The following LCOR variants were observed in gnomAD, a reference collection of about 807,000 sequenced individuals.
LCOR encodes ligand dependent nuclear receptor corepressor.
LCOR carries 14 observed loss-of-function variants against 64.4 expected under a neutral mutation model. The ratio of observed to expected loss-of-function variants is 0.22; its 90% CI spans 0.14 to 0.34. The LOEUF is 0.34. Ranked by LOEUF, LCOR falls within the 10% of genes least tolerant of loss-of-function variation. The pLI, the probability that LCOR is intolerant of heterozygous loss-of-function variation, is 1.00. For missense variants in LCOR, 1,686 were observed against 1,765.3 expected (o/e 0.96, Z 0.80); for synonymous variants, 643 against 642.5 (o/e 1.00, Z -0.01).
chr10:96,957,694 C>T (rs1370354689), intron 7 of LCOR: 5 of 985,284 alleles, frequency 5.1e-6, no homozygotes, highest in Non-Finnish European at 6.0e-6. Flanking sequence ...AACTTTGGAG[C>T]AATTAATTAA....
At chr10:96,947,716 T>A (rs1270425274) in intron 5 of LCOR, among the ~76,000 whole-genome samples, 1 of 152,012 alleles carries the variant, frequency 6.6e-6, no homozygotes, top group African/African-American at 2.4e-5. Flanking sequence ...AGTGGCCACT[T>A]ACTCTTTTGA....
intron 2 of LCOR, among the ~76,000 whole-genome samples, chr10:96,884,588 AAAGCTTGTTAAAACT>A (rs376438762): frequency 7.2e-5 from 11 of 152,358 alleles, no homozygotes; most frequent in African/African-American, 2.4e-4. Context: ...AATCACCTGG[AAAGCTTGTTAAAACT>A]AAGATTCTTG....
At chr10:96,976,502 A>G (rs1301382739) in intron 7 of LCOR, among the ~76,000 whole-genome samples, 1 of 152,230 alleles carries the variant, frequency 6.6e-6, no homozygotes, top group Middle Eastern at 3.4e-3. Context: ...TGGCTGTCTA[A>G]TGGGGACTAG....
At chr10:96,961,673 C>T (rs1589685301) in intron 7 of LCOR, 1 of 149,070 alleles carries the variant, frequency 6.7e-6, no homozygotes, top group South Asian at 2.1e-4. Context: ...AGATTAGATT[C>T]TCAGTGGATA....
intron 4 of LCOR, among the ~76,000 whole-genome samples, chr10:96,939,979 G>C (rs1221365389): frequency 2.6e-5 from 4 of 152,126 alleles, no homozygotes; most frequent in Non-Finnish European, 5.9e-5. Flanking sequence ...AAAAGATCAA[G>C]GATCTGAATG....
chr10:96,849,858 CTTTTTTTTTTT>C (rs964263701), intron 2 of LCOR, among the ~76,000 whole-genome samples: 1 of 115,692 alleles, frequency 8.6e-6, no homozygotes. Flanking sequence ...GTGTCACTCA[CTTTTTTTTTTT>C]TTTTTTTTTT....
At chr10:96,944,059 G>T in intron 4 of LCOR, 54 bp from the exon 5 acceptor site, 1 of 980,548 alleles carries the variant, frequency 1.0e-6, no homozygotes, top group Middle Eastern at 5.3e-4. Flanking sequence ...CTATGCTTTT[G>T]TTATTGAATG....
chr10:96,976,353 T>C (rs765340943), intron 7 of LCOR, among the ~76,000 whole-genome samples: 1 of 152,222 alleles, frequency 6.6e-6, no homozygotes, highest in Non-Finnish European at 1.5e-5. Flanking sequence ...TGTTTTTTAG[T>C]ATCCACATGC....
At chr10:96,835,855 T>C (rs1589593448) in intron 2 of LCOR, among the ~76,000 whole-genome samples, 1 of 152,340 alleles carries the variant, frequency 6.6e-6, no homozygotes, top group East Asian at 1.9e-4. Flanking sequence ...GAGTTAGTCC[T>C]GGGTTCAGAC....
At chr10:96,944,047 G>A (rs926049514) in intron 4 of LCOR, 66 bp from the exon 5 acceptor site, 24 of 958,088 alleles carry the variant, frequency 2.5e-5, no homozygotes, top group Middle Eastern at 5.4e-4. Flanking sequence ...CTTTGATTTC[G>A]TCTATGCTTT....
chr10:96,955,251 G>A, intron 7 of LCOR: 1 of 1,614,072 alleles, frequency 6.2e-7, no homozygotes, highest in Non-Finnish European at 8.5e-7. Flanking sequence ...GAAGTTCAGG[G>A]GAAATGGTGC....
chr10:96,957,185 A>G lies in LCOR; in HGVS notation c.332+4989A>G, dbSNP rs141244007. 1,227 of 983,940 alleles carry G rather than the reference A, an allele frequency of 1.2e-3. 21 individuals are homozygous for G. In the African/African-American group the frequency reaches 0.02, roughly 16 times the overall value. The allele number at this position is 983,940 out of a possible 1,614,324, so 61.0% of individuals were successfully genotyped here. ...TGTTGGGTTTTTTTTTTAAGTTTTT[A>G]TTTAATTTTGTTGGTTAGAATTTTT... On this transcript the variant is annotated intron_variant, in intron 7 of 7. Transcript: ENST00000421806.
chr10:96,859,537 A>G (rs1347957163), intron 2 of LCOR, among the ~76,000 whole-genome samples: 2 of 151,934 alleles, frequency 1.3e-5, no homozygotes, highest in Non-Finnish European at 1.5e-5. Flanking sequence ...CTTAAAGTCC[A>G]GAATCCCAGA....
intron 2 of LCOR, among the ~76,000 whole-genome samples, chr10:96,856,625 A>G (rs12247344): frequency 0.15 from 22,065 of 151,862 alleles, 2,253 homozygotes; most frequent in African/African-American, 0.28. Context: ...ACAGGCATGT[A>G]CCATCATGCC....
At chr10:96,956,019 CACTT>C (rs1225419453) in intron 7 of LCOR, 11 of 1,501,214 alleles carry the variant, frequency 7.3e-6, no homozygotes, top group African/African-American at 2.8e-5. Context: ...TTTACTGTGA[CACTT>C]GCTTCTTTGC....
At position 96,982,364 on chromosome 10, in the gene LCOR, C is replaced by T. The variant is rs550558320; in HGVS notation, c.1904C>T (p.Thr635Ile). Reference sequence around the variant, plus strand: ...GAGGACCTGCCAGAAGGTGGCTCCACAGTCTCAGCTCCCACAGCAAGTGGG... The same window carrying T: ...GAGGACCTGCCAGAAGGTGGCTCCATAGTCTCAGCTCCCACAGCAAGTGGG... Reference protein sequence around the residue: ...PEEDLPEGGSTVSAPTASGMS... With the variant: ...PEEDLPEGGSIVSAPTASGMS... Residue 635 changes from threonine to isoleucine, a missense_variant, in exon 8 of 8, where the codon ACA (threonine) becomes ATA (isoleucine). Physicochemically the swap from Thr to Ile is moderately conservative, Grantham distance 89. Around this residue, in one of 3 missense-constraint regions of LCOR, gnomAD observed 1,293 missense variants for 1,410.4 expected, o/e 0.92. Coordinates refer to ENST00000421806, the MANE Select transcript of LCOR (RefSeq NM_001346516.2). 11 of 1,614,188 alleles carry T rather than the reference C, an allele frequency of 6.8e-6. No individual in the cohort carries two copies. The highest frequency in any genetic ancestry group is 4.0e-5 in the African/African-American group (3 of 75,034).
intron 4 of LCOR, among the ~76,000 whole-genome samples, chr10:96,921,866 T>C (rs1353423496): frequency 2.0e-5 from 3 of 152,242 alleles, no homozygotes; most frequent in Non-Finnish European, 4.4e-5. Flanking sequence ...TAGGAAATCA[T>C]CTGACCACAT....
At chr10:96,966,416 A>G (rs975478432) in intron 7 of LCOR, among the ~76,000 whole-genome samples, 5 of 151,188 alleles carry the variant, frequency 3.3e-5, no homozygotes, top group Admixed American at 2.6e-4. Context: ...TTTTAGTAGA[A>G]ACGGGGTTTC....
At chr10:96,880,489 C>A (rs1163657376) in intron 2 of LCOR, among the ~76,000 whole-genome samples, 1 of 152,176 alleles carries the variant, frequency 6.6e-6, no homozygotes, top group Non-Finnish European at 1.5e-5. Flanking sequence ...CCTCCACCTT[C>A]CGGGTTCAAG....
Sources: gnomAD v4.1 joint callset for allele counts (sites outside exome capture counted in the v4.1 genomes callset) on GRCh38, gnomAD v4.1.1 for gene constraint, gnomAD v4.1.1 regional missense constraint, MANE v1.5 for transcripts, NCBI Gene and HGNC (gene_info 2026-07-23, HGNC 2026-07-21) for gene names.